Variants in RLN2 observed in about 807,000 individuals in gnomAD.
RLN2 encodes the protein relaxin 2.
Under a neutral mutation model 7.3 loss-of-function variants are expected in RLN2, and 10 were observed. The ratio of observed to expected loss-of-function variants is 1.36; its 90% CI spans 0.84 to 2.31. RLN2 has a LOEUF of 2.31. Among genes scored for constraint, RLN2 ranks in the 30% most tolerant of loss-of-function variants. The pLI, the probability that RLN2 is intolerant of heterozygous loss-of-function variation, is 0.00. For synonymous variants in RLN2, 103 were observed against 82.3 expected, an observed-to-expected ratio of 1.25 and a Z score of -1.36; for missense variants, 298 against 217.6, an observed-to-expected ratio of 1.37 and a Z score of -2.32.
the RLN2 span, among the ~76,000 whole-genome samples, chr9:5,321,205 G>T: frequency 6.6e-6 from 1 of 152,014 alleles, no homozygotes; most frequent in African/African-American, 2.4e-5. Flanking sequence ...GAATGTGAAG[G>T]CCACAAAACA....
chr9:5,311,580 C>T, the RLN2 span: 15 of 844,164 alleles, frequency 1.8e-5, no homozygotes, highest in Non-Finnish European at 2.6e-5. Flanking sequence ...AACGCCCATG[C>T]AAAGACAGGA....
chr9:5,304,045 C>G lies in RLN2; in HGVS notation c.211+325G>C. The G allele has an allele frequency of 6.2e-5, 13 of 211,190 alleles. No homozygotes were observed. The Admixed American group carries it at 1.2e-3, about 20-fold the overall frequency. The allele number at this position is 211,190 out of a possible 1,614,324, so 13.1% of individuals were successfully genotyped here. A position where few individuals can be genotyped will look rare whatever the true frequency, so the allele number is the denominator to read the frequency against. ...CCTGCGGGTCTCCGGGCGGCGTCACCTCCTCTGAGGCTTCCCCTCCCTTTC... is the reference window on the plus strand; with the variant it reads ...CCTGCGGGTCTCCGGGCGGCGTCACGTCCTCTGAGGCTTCCCCTCCCTTTC... On this transcript the variant is annotated intron_variant, in intron 1 of 1. Transcript: ENST00000381627.
the RLN2 span, among the ~76,000 whole-genome samples, chr9:5,331,668 G>C: frequency 6.6e-6 from 1 of 151,486 alleles, no homozygotes; most frequent in Non-Finnish European, 1.5e-5. Context: ...GGCATCTAGG[G>C]GGGTGGGGGG....
chr9:5,313,002 G>C, the RLN2 span, among the ~76,000 whole-genome samples: 1 of 151,986 alleles, frequency 6.6e-6, no homozygotes, highest in Non-Finnish European at 1.5e-5. Context: ...CCTAACACAT[G>C]ATCTAGCATG....
chr9:5,317,858 T>G, the RLN2 span, among the ~76,000 whole-genome samples: 1 of 151,934 alleles, frequency 6.6e-6, no homozygotes, highest in Non-Finnish European at 1.5e-5. Context: ...TCTTACTCAT[T>G]AGAATAGCAA....
At chr9:5,311,484 AAAGTCACGATG>A in the RLN2 span, 1 of 674,142 alleles carries the variant, frequency 1.5e-6, no homozygotes. Flanking sequence ...TAAAGGAGAT[AAAGTCACGATG>A]AAGGATGAAC....
chr9:5,318,105 C>G, the RLN2 span, among the ~76,000 whole-genome samples: 2 of 152,008 alleles, frequency 1.3e-5, no homozygotes, highest in Admixed American at 1.3e-4. Flanking sequence ...CTTGTGACCT[C>G]AGGTGATCCG....
At chr9:5,319,922 C>G in the RLN2 span, among the ~76,000 whole-genome samples, 5 of 151,230 alleles carry the variant, frequency 3.3e-5, no homozygotes, top group East Asian at 5.8e-4. Flanking sequence ...TGTTCTTAAA[C>G]TTAATTTTTT....
chr9:5,331,115 C>T, the RLN2 span, among the ~76,000 whole-genome samples: 40 of 151,962 alleles, frequency 2.6e-4, no homozygotes, highest in Non-Finnish European at 5.1e-4. Flanking sequence ...AATAGCCTAC[C>T]GACCAAAAAA....
At chr9:5,331,609 T>C in the RLN2 span, among the ~76,000 whole-genome samples, 2 of 148,042 alleles carry the variant, frequency 1.4e-5, no homozygotes, top group East Asian at 2.0e-4. Context: ...TAGGTGGGAA[T>C]TGAACAATGA....
upstream of RLN2, among the ~76,000 whole-genome samples, chr9:5,307,365 G>C (rs183552321): frequency 9.7e-4 from 148 of 151,898 alleles, 4 homozygotes; most frequent in African/African-American, 3.4e-3. Context: ...TTTTTATTAA[G>C]AAATAAACTT....
chr9:5,333,857 GGTACAACATA>G, the RLN2 span, among the ~76,000 whole-genome samples: 1 of 151,860 alleles, frequency 6.6e-6, no homozygotes, highest in Non-Finnish European at 1.5e-5. Context: ...ATGCAAGGTT[GGTACAACATA>G]CACAAATCAA....
At chr9:5,328,409 A>C in the RLN2 span, among the ~76,000 whole-genome samples, 3 of 152,124 alleles carry the variant, frequency 2.0e-5, no homozygotes, top group Non-Finnish European at 2.9e-5. Flanking sequence ...ATATGGGACT[A>C]TGTGAAAAGA....
chr9:5,320,465 G>A, the RLN2 span, among the ~76,000 whole-genome samples: 1 of 151,870 alleles, frequency 6.6e-6, no homozygotes, highest in Admixed American at 6.6e-5. Context: ...CCACCTCTCA[G>A]GTTCAAGTGA....
At chr9:5,308,090 G>A (rs1816286571), upstream of RLN2, among the ~76,000 whole-genome samples, 1 of 151,616 alleles carries the variant, frequency 6.6e-6, no homozygotes, top group African/African-American at 2.4e-5. Flanking sequence ...ATAAGAAGAA[G>A]TAAACACTTT....
chr9:5,326,002 T>C, the RLN2 span, among the ~76,000 whole-genome samples: 2 of 152,110 alleles, frequency 1.3e-5, no homozygotes, highest in Non-Finnish European at 2.9e-5. Context: ...TGGATTTTTT[T>C]AAATTACCAC....
At chr9:5,336,371 G>C in the RLN2 span, among the ~76,000 whole-genome samples, 1 of 152,010 alleles carries the variant, frequency 6.6e-6, no homozygotes, top group Non-Finnish European at 1.5e-5. Context: ...CACTATGCAA[G>C]ATCTGTGTGA....
the RLN2 span, chr9:5,311,578 T>A: frequency 1.2e-5 from 10 of 833,166 alleles, no homozygotes; most frequent in African/African-American, 1.2e-4. Context: ...AAAACGCCCA[T>A]GCAAAGACAG....
chr9:5,331,151 C>T, the RLN2 span, among the ~76,000 whole-genome samples: 1 of 151,948 alleles, frequency 6.6e-6, no homozygotes, highest in East Asian at 1.9e-4. Context: ...GGATTCACAG[C>T]CAAATTCTAC....
Sources: gnomAD v4.1 joint callset for allele counts (sites outside exome capture counted in the v4.1 genomes callset) on GRCh38, gnomAD v4.1.1 for gene constraint, MANE v1.5 for transcripts, NCBI Gene and HGNC (gene_info 2026-07-23, HGNC 2026-07-21) for gene names.